Variants in WTAP observed in about 807,000 individuals in gnomAD.
WTAP encodes the protein WT1 associated protein, also known as pre-mRNA-splicing regulator WTAP.
WTAP carries 8 observed loss-of-function variants against 50.0 expected under a neutral mutation model. The ratio of observed to expected loss-of-function variants is 0.16; its 90% CI spans 0.09 to 0.29. The LOEUF (loss-of-function observed/expected upper bound fraction) is 0.29, where lower values mean the gene tolerates loss of function less well. Ranked by LOEUF, WTAP falls within the 10% of genes least tolerant of loss-of-function variation. The pLI is 1.00. For missense variants in WTAP, 295 were observed against 470.7 expected, an observed-to-expected ratio of 0.63 and a Z score of 3.45; for synonymous variants, 194 against 169.0, an observed-to-expected ratio of 1.15 and a Z score of -1.15.
chr6:159,750,079 G>A (rs1041150276), intron 6 of WTAP, among the ~76,000 whole-genome samples: 3 of 151,712 alleles, frequency 2.0e-5, no homozygotes, highest in Non-Finnish European at 4.4e-5. Flanking sequence ...GAAGTGGTTT[G>A]TGTGACTTTT....
At chr6:159,727,022 C>A (rs951363257), upstream of WTAP, 23 of 1,238,510 alleles carry the variant, frequency 1.9e-5, no homozygotes, top group East Asian at 9.8e-4. Flanking sequence ...GGCAGCCCCG[C>A]AGCCGCAGGT....
chr6:159,733,177 AAAG>A (rs71033555), intron 1 of WTAP, among the ~76,000 whole-genome samples: 70,567 of 151,794 alleles, frequency 0.46, 18,408 homozygotes, highest in Non-Finnish European at 0.58. Flanking sequence ...TTAAAGAAAA[AAAG>A]AATAATATAC....
intron 6 of WTAP, 125 bp from the exon 7 acceptor site, chr6:159,753,331 GTAAT>G (rs1228490869): frequency 7.8e-7 from 1 of 1,277,706 alleles, no homozygotes; most frequent in South Asian, 1.3e-5. Flanking sequence ...AAAGAAGATG[GTAAT>G]TATGGGGAAG....
At chr6:159,735,130 G>T (rs1229013520) in intron 1 of WTAP, among the ~76,000 whole-genome samples, 1 of 152,116 alleles carries the variant, frequency 6.6e-6, no homozygotes, top group Admixed American at 6.6e-5. Flanking sequence ...TGACATACAT[G>T]TGTATGTGAG....
At position 159,742,073 on chromosome 6, in the gene WTAP, AT is replaced by A. The variant is rs557967659; in HGVS notation, c.87-6del. On this transcript the variant is annotated splice_polypyrimidine_tract_variant and intron_variant, in intron 3 of 7. Coordinates refer to ENST00000621533, the MANE Select transcript of WTAP (RefSeq NM_001270531.2). ...TTTTATCGTAACAACTAATGTATGG[AT>A]TTTTTTTTATTAGATGGAAACAATA... 2.8e-4 allele frequency: 437 copies of A among 1,557,078 alleles called. No homozygotes were observed. Among genetic ancestry groups the A allele is most frequent in the Admixed American group, 8.8e-4 (48 of 54,712 alleles).
At position 159,748,454 on chromosome 6, in the gene WTAP, C is replaced by G; in HGVS notation, c.452+85C>G. 6.4e-7 allele frequency: 1 copy of G among 1,556,430 alleles called. No homozygotes were observed. Among genetic ancestry groups the G allele is most frequent in the East Asian group, 2.3e-5 (1 of 43,068 alleles). On this transcript the variant is annotated intron_variant, in intron 6 of 7. Transcript: ENST00000621533. This position sits in a 1 kb window ranked among gnomAD's most constrained non-coding sequence, Gnocchi z 5.6. ...TGGTGGGACAGCCAAGTACTCGTTT[C>G]CACACCAAGACTCAGACTTTTTGAG...
intron 4 of WTAP, 67 bp downstream of exon 4, chr6:159,742,213 AGTT>A (rs1044334684): frequency 8.1e-6 from 11 of 1,355,424 alleles, no homozygotes; most frequent in Admixed American, 6.7e-5. Flanking sequence ...TCAAAAGGAT[AGTT>A]GTTTTTATTA....
chr6:159,747,667 G>A (rs1779654225), intron 5 of WTAP, among the ~76,000 whole-genome samples: 1 of 152,044 alleles, frequency 6.6e-6, no homozygotes, highest in Non-Finnish European at 1.5e-5. Flanking sequence ...AATTTCCACA[G>A]GTAAAAAATT....
Position 159,753,629 on chromosome 6 carries a change from T to C in WTAP, c.607+15T>C. The C allele has an allele frequency of 6.3e-7, 1 of 1,590,052 alleles. No homozygotes were observed. The highest frequency in any genetic ancestry group is 8.6e-7 in the Non-Finnish European group (1 of 1,168,594). On this transcript the variant is annotated intron_variant, in intron 7 of 7. Transcript: ENST00000621533. ...CAGTCAGGATGGTAAGGGGTTTGTT[T>C]CTTTTTGGAACGTTGTCTCAACTTT...
At chr6:159,738,750 CAG>C (rs1278039389) in intron 2 of WTAP, among the ~76,000 whole-genome samples, 1 of 151,984 alleles carries the variant, frequency 6.6e-6, no homozygotes, top group Non-Finnish European at 1.5e-5. Context: ...CCATTCTAAT[CAG>C]TGTGTGGTGA....
intron 1 of WTAP, among the ~76,000 whole-genome samples, chr6:159,731,212 A>G (rs1369933219): frequency 4.6e-5 from 7 of 151,994 alleles, no homozygotes; most frequent in Non-Finnish European, 8.8e-5. Context: ...CTGTAGTCCC[A>G]GCACTTTTGG....
At chr6:159,733,117 T>C (rs1213284394) in intron 1 of WTAP, among the ~76,000 whole-genome samples, 1 of 152,074 alleles carries the variant, frequency 6.6e-6, no homozygotes, top group Non-Finnish European at 1.5e-5. Context: ...AAAGCAGCTT[T>C]CTGTAATGGC....
rs1364900465 is a variant in WTAP, at chr6:159,753,517, G to T, written c.510G>T (p.Glu170Asp). The change falls in exon 7 of 8, where the codon GAG becomes GAT. Residue 170 changes from glutamate to aspartate, a missense_variant. Transcript: ENST00000621533. ...GAATGCTTATCCAGGAGAATCAAGA[G>T]CTTGGAAGGCAGCTGTCCCAGGGAC... is the stretch of plus-strand genomic sequence containing the variant. ...KCRMLIQENQ[E>D]LGRQLSQGRI... is the part of the protein sequence containing the mutation. 19 of 1,614,214 alleles carry T rather than the reference G, an allele frequency of 1.2e-5. No individual in the cohort carries two copies. Among genetic ancestry groups the T allele is most frequent in the Non-Finnish European group, 1.6e-5 (19 of 1,180,044 alleles).
intron 1 of WTAP, among the ~76,000 whole-genome samples, chr6:159,728,261 G>C (rs1319558562): frequency 1.3e-5 from 2 of 152,132 alleles, no homozygotes; most frequent in Non-Finnish European, 2.9e-5. Flanking sequence ...CTGTGAGACA[G>C]TTACTAGATT....
At chr6:159,727,395 A>AGGCGGGAGGCGGGG (rs1319708641), upstream of WTAP, 7 of 1,049,124 alleles carry the variant, frequency 6.7e-6, no homozygotes, top group African/African-American at 2.2e-5. Flanking sequence ...GGGAGGCGGG[A>AGGCGGGAGGCGGGG]GGCGGGAGGC....
intron 2 of WTAP, 39 bp downstream of exon 2, chr6:159,736,334 G>A: frequency 6.7e-7 from 1 of 1,500,656 alleles, no homozygotes; most frequent in Non-Finnish European, 9.2e-7. Flanking sequence ...TTTTGTTTTG[G>A]GTTTTTTGGG....
intron 1 of WTAP, among the ~76,000 whole-genome samples, chr6:159,732,047 C>T (rs1470212000): frequency 6.6e-6 from 1 of 152,016 alleles, no homozygotes; most frequent in African/African-American, 2.4e-5. Flanking sequence ...TGCCAAAATC[C>T]TGGCATAGGA....
Position 159,736,274 on chromosome 6 carries a change from C to T in WTAP, c.9C>T (p.Asn3=), listed in dbSNP as rs372783310. The change falls in exon 2 of 8, where the codon AAC becomes AAT. Residue 3 remains asparagine, a synonymous_variant. Transcript: ENST00000621533. ...TTTTTTTAGGATTCAAGATGACCAA[C>T]GAAGAACCTCTTCCCAAGAAGGTAT... is the stretch of plus-strand genomic sequence containing the variant. The part of the protein sequence containing the change: MT[N]EEPLPKKVRL... 1.1e-5 allele frequency: 18 copies of T among 1,601,628 alleles called. No homozygotes were observed. The highest frequency in any genetic ancestry group is 4.0e-5 in the African/African-American group (3 of 74,348).
chr6:159,732,801 G>A (rs936170836), intron 1 of WTAP, among the ~76,000 whole-genome samples: 1 of 151,990 alleles, frequency 6.6e-6, no homozygotes, highest in Non-Finnish European at 1.5e-5. Context: ...TCCAGCCTGG[G>A]CAACAGAGAC....
Sources: allele counts gnomAD v4.1 joint callset (sites outside exome capture counted in the v4.1 genomes callset), GRCh38; gene constraint gnomAD v4.1.1; non-coding constraint Gnocchi (gnomAD v3.1); transcripts MANE v1.5; gene names NCBI Gene and HGNC (gene_info 2026-07-23, HGNC 2026-07-21).